Variants in ZGRF1 observed in about 807,000 individuals in gnomAD.
The protein encoded by ZGRF1 is zinc finger GRF-type containing 1.
ZGRF1 carries 196 observed loss-of-function variants against 203.5 expected under a neutral mutation model. The observed-to-expected ratio is 0.96, with a 90% CI of 0.86 to 1.08. The LOEUF (loss-of-function observed/expected upper bound fraction) is 1.08, where lower values mean the gene tolerates loss of function less well. ZGRF1 is among the 50% of genes least tolerant of loss of function. ZGRF1 has a pLI of 0.00. For synonymous variants in ZGRF1, 809 were observed against 841.3 expected (o/e 0.96, Z 0.66); for missense variants, 2,326 against 2,416.3 (o/e 0.96, Z 0.78).
intron 20 of ZGRF1, among the ~76,000 whole-genome samples, chr4:112,556,106 C>T (rs541232442): frequency 1.7e-3 from 252 of 151,650 alleles, no homozygotes; most frequent in African/African-American, 6.0e-3. Flanking sequence ...TTGTCCTCAG[C>T]CACTCTTTTA....
intron 16 of ZGRF1, among the ~76,000 whole-genome samples, chr4:112,575,843 C>A (rs34676259): frequency 0.39 from 59,801 of 152,126 alleles, 12,013 homozygotes; most frequent in South Asian, 0.49. Context: ...TAGACTCCCC[C>A]TCTGGGGGGC....
intron 15 of ZGRF1, among the ~76,000 whole-genome samples, chr4:112,582,084 T>C (rs1316084890): frequency 6.6e-6 from 1 of 152,198 alleles, no homozygotes; most frequent in African/African-American, 2.4e-5. Flanking sequence ...TGGTATATAA[T>C]AGTTACACAT....
chr4:112,624,612 GAT>G (rs961515892), intron 3 of ZGRF1, among the ~76,000 whole-genome samples: 1 of 152,062 alleles, frequency 6.6e-6, no homozygotes, highest in African/African-American at 2.4e-5. Context: ...GGGAGGATAA[GAT>G]AATTATTTAT....
At position 112,618,943 on chromosome 4, in the gene ZGRF1, A is replaced by G; in HGVS notation, c.1099T>C (p.Ser367Pro). The G allele has an allele frequency of 6.2e-7, 1 of 1,613,816 alleles. No individual in the cohort carries two copies. ...DDVNSNLKDL[S>P]LQKIIQFVET... ...ACGAACTGTATAATTTTTTGTAATG[A>G]AAGGTCTTTCAAATTAGAATTTACA... The change falls in exon 6 of 28, where the codon TCA (serine) becomes CCA (proline). Residue 367 changes from serine (S) to proline (P), a missense_variant. Ser to Pro is a moderately conservative substitution (Grantham distance 74). Transcript: ENST00000505019.
intron 10 of ZGRF1, among the ~76,000 whole-genome samples, chr4:112,601,109 A>C (rs1034402794): frequency 1.3e-5 from 2 of 151,638 alleles, no homozygotes; most frequent in African/African-American, 4.9e-5. Flanking sequence ...TCTCAAAAAA[A>C]AAAAAAAAAT....
At chr4:112,636,158 T>A (rs1261161157) in intron 1 of ZGRF1, among the ~76,000 whole-genome samples, 1 of 152,216 alleles carries the variant, frequency 6.6e-6, no homozygotes, top group Non-Finnish European at 1.5e-5. Context: ...ACCAGACAAT[T>A]CACCTGTTGA....
chr4:112,619,348 G>T lies in ZGRF1; in HGVS notation c.694C>A (p.Pro232Thr). ...KLSDSLLTNE[P>T]VKRDSLASHY... ...GATGCCAAACTATCTCTTTTCACAGGCTCATTGGTCAGTAAAGAGTCTGAA... is the reference window on the plus strand; with the variant it reads ...GATGCCAAACTATCTCTTTTCACAGTCTCATTGGTCAGTAAAGAGTCTGAA... The change falls in exon 6 of 28, where the codon CCT becomes ACT. Residue 232 changes from proline (P) to threonine (T), a missense_variant. Coordinates refer to ENST00000505019, the MANE Select transcript of ZGRF1 (RefSeq NM_018392.5). The T allele has an allele frequency of 5.0e-6, 8 of 1,612,326 alleles. No homozygotes were observed. Among genetic ancestry groups the T allele is most frequent in the Non-Finnish European group, 6.8e-6 (8 of 1,179,216 alleles).
intron 16 of ZGRF1, among the ~76,000 whole-genome samples, chr4:112,579,761 TGAAATAA>T (rs1745881783): frequency 8.3e-6 from 1 of 119,994 alleles, no homozygotes; most frequent in African/African-American, 2.9e-5. Context: ...CACTGCTCAA[TGAAATAA>T]AAGAGGATAC....
intron 16 of ZGRF1, among the ~76,000 whole-genome samples, chr4:112,573,989 ATGGG>A (rs1744689179): frequency 6.6e-6 from 1 of 152,238 alleles, no homozygotes; most frequent in African/African-American, 2.4e-5. Context: ...ACTCATTTGA[ATGGG>A]TTGATCCATA....
intron 3 of ZGRF1, among the ~76,000 whole-genome samples, chr4:112,626,915 T>C (rs1349957488): frequency 2.0e-5 from 3 of 152,140 alleles, no homozygotes; most frequent in Non-Finnish European, 4.4e-5. Flanking sequence ...AAGCGATTCT[T>C]GGGCCTCAAT....
intron 19 of ZGRF1, 110 bp downstream of exon 19, chr4:112,560,623 T>TA (rs749518873): frequency 3.2e-6 from 3 of 940,578 alleles, no homozygotes; most frequent in African/African-American, 1.6e-5. Context: ...AAAGTCTACT[T>TA]AGAGTTATTC....
intron 16 of ZGRF1, among the ~76,000 whole-genome samples, chr4:112,581,368 T>C (rs1424972469): frequency 6.6e-6 from 1 of 151,498 alleles, no homozygotes; most frequent in Non-Finnish European, 1.5e-5. Context: ...ACATGGCACA[T>C]GTATACACAT....
chr4:112,587,535 C>T lies in ZGRF1; in HGVS notation c.3522G>A (p.Glu1174=). ...CTCTAAAATGCATCCCAGAAACAGC[C>T]TCAGCAAAGAAGCCATCAGTTATTC... ...DKRITDGFFA[E]AVSGMHFRDT... is the part of the protein sequence containing the mutation. The change falls in exon 12 of 28, where the codon GAG becomes GAA. Residue 1174 remains glutamate, a synonymous_variant. Transcript: ENST00000505019. 2 of 1,613,858 alleles carry T rather than the reference C, an allele frequency of 1.2e-6. No homozygotes were observed. The highest frequency in any genetic ancestry group is 1.7e-6 in the Non-Finnish European group (2 of 1,179,844).
At chr4:112,579,493 C>T (rs1382610926) in intron 16 of ZGRF1, among the ~76,000 whole-genome samples, 2 of 122,704 alleles carry the variant, frequency 1.6e-5, no homozygotes, top group African/African-American at 2.8e-5. Context: ...TCCCTGTTTG[C>T]AGATGACATG....
intron 16 of ZGRF1, among the ~76,000 whole-genome samples, chr4:112,576,627 A>G (rs1052531380): frequency 6.6e-6 from 1 of 152,228 alleles, no homozygotes; most frequent in African/African-American, 2.4e-5. Context: ...ACTGCATGAT[A>G]AATGCACAAG....
At chr4:112,583,911 A>G in intron 15 of ZGRF1, 67 bp downstream of exon 15, 1 of 1,006,996 alleles carries the variant, frequency 9.9e-7, no homozygotes, top group South Asian at 2.0e-5. Context: ...AAAACTGATG[A>G]TAGTTCTGTG....
chr4:112,579,530 C>A (rs1745838373), intron 16 of ZGRF1, among the ~76,000 whole-genome samples: 1 of 122,438 alleles, frequency 8.2e-6, no homozygotes, highest in African/African-American at 2.8e-5. Flanking sequence ...ACCACATCGT[C>A]TCAGCCCAAA....
At chr4:112,585,393 G>C (rs1746990940) in intron 14 of ZGRF1, 148 bp downstream of exon 14, 2 of 475,466 alleles carry the variant, frequency 4.2e-6, no homozygotes, top group East Asian at 7.0e-5. Context: ...ATAAAACTTT[G>C]AGAATTTAAT....
At chr4:112,585,779 G>C in intron 13 of ZGRF1, 54 bp from the exon 14 acceptor site, 1 of 1,358,376 alleles carries the variant, frequency 7.4e-7, no homozygotes, top group Non-Finnish European at 9.9e-7. Context: ...AATTTTGTTT[G>C]TATCACATAT....
Sources: gnomAD v4.1 joint callset for allele counts (sites outside exome capture counted in the v4.1 genomes callset) on GRCh38, gnomAD v4.1.1 for gene constraint, MANE v1.5 for transcripts, NCBI Gene and HGNC (gene_info 2026-07-23, HGNC 2026-07-21) for gene names.